Variants in EYS observed in about 807,000 individuals in gnomAD.
EYS encodes the protein EGF-like photoreceptor maintenance factor.
In EYS, 250 loss-of-function variants were observed where a neutral mutation model predicts 282.1. That is an observed-to-expected ratio of 0.89 (90% confidence interval 0.80 to 0.98). The LOEUF is 0.98. Among genes scored for constraint, EYS ranks in the 50% least tolerant of loss-of-function variants. The pLI is 0.00. For synonymous variants in EYS, 1,355 were observed against 1,282.9 expected, an observed-to-expected ratio of 1.06 and a Z score of -1.20; for missense variants, 4,016 against 3,709.0, an observed-to-expected ratio of 1.08 and a Z score of -2.15.
intron 33 of EYS, among the ~76,000 whole-genome samples, chr6:64,050,367 T>A (rs1770766826): frequency 6.6e-6 from 1 of 152,214 alleles, no homozygotes; most frequent in Non-Finnish European, 1.5e-5. Flanking sequence ...TTCTTACATT[T>A]GTCTTAGTAG....
chr6:65,049,424 T>C (rs1299724145), intron 13 of EYS, among the ~76,000 whole-genome samples: 2 of 151,804 alleles, frequency 1.3e-5, no homozygotes, highest in African/African-American at 4.8e-5. Context: ...TATCAATATA[T>C]ACTTCTTTCA....
At position 65,541,438 on chromosome 6, in the gene EYS, G is replaced by A. The variant is rs573216899; in HGVS notation, c.-332-45445C>T. ...TTAGAAGATTAATTGAGCTGATTAA[G>A]CCATCTTGTTTAAACTGAATTTGGA... On this transcript the variant is annotated intron_variant, in intron 2 of 42. Coordinates refer to ENST00000503581, the MANE Select transcript of EYS (RefSeq NM_001142800.2). Among the ~76,000 whole-genome samples, 26 of 152,220 alleles carry A rather than the reference G, an allele frequency of 1.7e-4. 1 individual carries two copies. In the East Asian group the frequency reaches 4.8e-3, roughly 28 times the overall value.
intron 35 of EYS, among the ~76,000 whole-genome samples, chr6:63,946,479 T>C (rs1765400193): frequency 6.6e-6 from 1 of 152,194 alleles, no homozygotes. Context: ...CTAATCATTC[T>C]TTCTGGTAAT....
intron 1 of EYS, among the ~76,000 whole-genome samples, chr6:65,656,363 C>T (rs560100278): frequency 2.8e-4 from 43 of 151,860 alleles, no homozygotes; most frequent in Non-Finnish European, 5.6e-4. Context: ...AAAGCCAGGC[C>T]TCTTGCACCA....
intron 12 of EYS, among the ~76,000 whole-genome samples, chr6:65,273,777 G>T (rs1271608009): frequency 6.6e-6 from 1 of 152,090 alleles, no homozygotes; most frequent in Non-Finnish European, 1.5e-5. Flanking sequence ...GCTTCTGTAG[G>T]TCTGCTTATA....
chr6:64,880,638 A>C (rs1386392493), intron 19 of EYS, among the ~76,000 whole-genome samples: 4 of 151,250 alleles, frequency 2.6e-5, no homozygotes, highest in Non-Finnish European at 5.9e-5. Context: ...CCAACTCCTT[A>C]CCTTCATCCT....
At chr6:64,757,880 C>G (rs2088173) in intron 22 of EYS, among the ~76,000 whole-genome samples, 151,887 of 152,134 alleles carry the variant, frequency 1, 75,820 homozygotes, top group Non-Finnish European at 1. Flanking sequence ...CGCCTCCCGG[C>G]TTCACGCCGT....
At chr6:64,098,699 C>T (rs1455210681) in intron 31 of EYS, among the ~76,000 whole-genome samples, 1 of 150,828 alleles carries the variant, frequency 6.6e-6, no homozygotes, top group East Asian at 2.0e-4. Context: ...CTCTGGGGTT[C>T]AAGCCATTCT....
chr6:65,115,902 C>T (rs369510654), intron 12 of EYS, among the ~76,000 whole-genome samples: 7 of 152,156 alleles, frequency 4.6e-5, no homozygotes, highest in African/African-American at 1.7e-4. Flanking sequence ...CATTATACTT[C>T]ATAACACTGT....
At chr6:64,434,235 A>AT (rs1329165047) in intron 28 of EYS, among the ~76,000 whole-genome samples, 1 of 152,076 alleles carries the variant, frequency 6.6e-6, no homozygotes, top group East Asian at 1.9e-4. Context: ...ACCTGTTGTC[A>AT]TTTTGATCTC....
chr6:63,834,853 C>T (rs1171308619), intron 36 of EYS, among the ~76,000 whole-genome samples: 1 of 151,572 alleles, frequency 6.6e-6, no homozygotes, highest in African/African-American at 2.4e-5. Flanking sequence ...ACATATACAC[C>T]ATGGAATACT....
intron 1 of EYS, among the ~76,000 whole-genome samples, chr6:65,695,041 G>C (rs1359769707): frequency 6.6e-6 from 1 of 151,898 alleles, no homozygotes; most frequent in Admixed American, 6.6e-5. Flanking sequence ...GAGAGCAAAG[G>C]CAATAATTTG....
chr6:65,386,859 G>A (rs1027641886), intron 7 of EYS, among the ~76,000 whole-genome samples: 1 of 151,858 alleles, frequency 6.6e-6, no homozygotes, highest in East Asian at 1.9e-4. Context: ...TTGTTTTTAT[G>A]TAAAACTATT....
chr6:64,974,019 G>A (rs1242702867), intron 14 of EYS, among the ~76,000 whole-genome samples: 11 of 151,774 alleles, frequency 7.2e-5, no homozygotes, highest in African/African-American at 2.7e-4. Flanking sequence ...AATATACACA[G>A]CAGCATGAAA....
rs1562204676 is a variant in EYS at position 64,107,288 on chromosome 6, TATATATATATATA to T, written c.6425-25299_6425-25287del. Among the ~76,000 whole-genome samples, 67 of 60,766 alleles carry T rather than the reference TATATATATATATA, an allele frequency of 1.1e-3. 1 individual carries two copies. Among genetic ancestry groups the T allele is most frequent in the African/African-American group, 5.3e-3 (65 of 12,178 alleles). The allele number at this position is 60,766 out of a possible 152,430, so 39.9% of individuals were successfully genotyped here. A position where few individuals can be genotyped will look rare whatever the true frequency, so the allele number is the denominator to read the frequency against. On this transcript the variant is annotated intron_variant, in intron 31 of 42. Transcript: ENST00000503581. Reference sequence around the variant, plus strand: ...GTGTGTGTGTATATATATATATTTATATATATATATATATATATATATATATAAAGGGGAGTTT... The same window carrying T: ...GTGTGTGTGTATATATATATATTTATTATATATATATATAAAGGGGAGTTT...
At chr6:65,230,393 A>C (rs2639695) in intron 12 of EYS, among the ~76,000 whole-genome samples, 100,762 of 151,360 alleles carry the variant, frequency 0.67, 34,805 homozygotes, top group East Asian at 0.89. Flanking sequence ...TCAATGTGTT[A>C]ATACAATTAC....
intron 28 of EYS, among the ~76,000 whole-genome samples, chr6:64,389,812 C>A (rs1354988139): frequency 6.6e-6 from 1 of 152,126 alleles, no homozygotes; most frequent in Admixed American, 6.6e-5. Flanking sequence ...CAGCTCCCAG[C>A]GTGAGCGACG....
At chr6:64,222,953 A>T (rs530154659) in intron 31 of EYS, among the ~76,000 whole-genome samples, 5 of 151,972 alleles carry the variant, frequency 3.3e-5, no homozygotes, top group Non-Finnish European at 7.4e-5. Flanking sequence ...TTTAAAAAAA[A>T]CTCATAAAAA....
intron 28 of EYS, among the ~76,000 whole-genome samples, chr6:64,402,687 T>C (rs571429585): frequency 1.2e-4 from 18 of 152,334 alleles, no homozygotes; most frequent in African/African-American, 4.1e-4. Flanking sequence ...AAAGATTAGC[T>C]AAAAATTTTG....
Sources: gnomAD v4.1 joint callset for allele counts (sites outside exome capture counted in the v4.1 genomes callset) on GRCh38, gnomAD v4.1.1 for gene constraint, MANE v1.5 for transcripts, NCBI Gene and HGNC (gene_info 2026-07-23, HGNC 2026-07-21) for gene names.